Variants in CCNB1IP1 observed in about 807,000 individuals in gnomAD.
CCNB1IP1 encodes the protein cyclin B1 interacting protein 1.
In CCNB1IP1, 14 loss-of-function variants were observed where a neutral mutation model predicts 25.6. The observed-to-expected ratio is 0.55, with a 90% CI of 0.36 to 0.85. The LOEUF is 0.85. Ranked by LOEUF, CCNB1IP1 falls within the 40% of genes least tolerant of loss-of-function variation. The pLI, the probability that CCNB1IP1 is intolerant of heterozygous loss-of-function variation, is 0.01. For missense variants in CCNB1IP1, 278 were observed against 342.4 expected (o/e 0.81, Z 1.48); for synonymous variants, 119 against 116.1 (o/e 1.02, Z -0.16).
intron 3 of CCNB1IP1, among the ~76,000 whole-genome samples, chr14:20,326,199 G>T (rs1883069923): frequency 6.6e-6 from 1 of 152,128 alleles, no homozygotes; most frequent in African/African-American, 2.4e-5. Context: ...ATTGCCTATA[G>T]AATTATACCA....
chr14:20,311,819 AATC>A (rs1882495878), intron 6 of CCNB1IP1, 67 bp from the exon 7 acceptor site: 3 of 950,342 alleles, frequency 3.2e-6, no homozygotes, highest in Non-Finnish European at 4.9e-6. Flanking sequence ...ACTTCAGAGG[AATC>A]ATCAAATATA....
intron 5 of CCNB1IP1, among the ~76,000 whole-genome samples, chr14:20,314,051 T>C (rs1208286632): frequency 6.6e-6 from 1 of 152,096 alleles, no homozygotes. Flanking sequence ...CCAAAAGAAC[T>C]GAGTATTTGT....
intron 5 of CCNB1IP1, 123 bp from the exon 6 acceptor site, chr14:20,313,924 A>G: frequency 1.4e-6 from 1 of 691,632 alleles, no homozygotes; most frequent in Non-Finnish European, 2.2e-6. Flanking sequence ...ATCATTTAGA[A>G]CCCAGTTTAA....
In CCNB1IP1 at chr14:20,316,648, A is replaced by T. The variant is rs73583460; in HGVS notation, c.-37-88T>A. On this transcript the variant is annotated intron_variant, in intron 4 of 6. Coordinates refer to ENST00000358932, the MANE Select transcript of CCNB1IP1 (RefSeq NM_021178.5). ...GAAATATAACATGCACGTTTTTATCATAAAATACTGCACATTTTATTATAT... is the reference window on the plus strand; with the variant it reads ...GAAATATAACATGCACGTTTTTATCTTAAAATACTGCACATTTTATTATAT... 826 of 658,284 alleles carry T rather than the reference A, an allele frequency of 1.3e-3. 6 individuals are homozygous for T. In the African/African-American group the frequency reaches 0.014, roughly 11 times the overall value. The allele number at this position is 658,284 out of a possible 1,614,324, so 40.8% of individuals were successfully genotyped here.
chr14:20,325,238 G>A (rs1176162142), intron 4 of CCNB1IP1, among the ~76,000 whole-genome samples: 2 of 150,952 alleles, frequency 1.3e-5, no homozygotes, highest in African/African-American at 4.8e-5. Context: ...CGGCTAAAAC[G>A]GTGAAACCCC....
At chr14:20,322,667 G>A (rs932081630) in intron 4 of CCNB1IP1, among the ~76,000 whole-genome samples, 1 of 148,608 alleles carries the variant, frequency 6.7e-6, no homozygotes, top group African/African-American at 2.5e-5. Flanking sequence ...CTGTCACCCA[G>A]GCTGGAGTGC....
chr14:20,311,789 ATT>A (rs760021914), intron 6 of CCNB1IP1, 37 bp from the exon 7 acceptor site: 9 of 1,403,760 alleles, frequency 6.4e-6, no homozygotes, highest in Admixed American at 1.7e-5. Flanking sequence ...AATTTTATTC[ATT>A]TGTTATCTAT....
intron 5 of CCNB1IP1, chr14:20,314,183 C>T (rs143394626): frequency 6.1e-6 from 1 of 163,242 alleles, no homozygotes; most frequent in African/African-American, 2.4e-5. Flanking sequence ...GTACATACAC[C>T]CTTGTGTAAC....
In CCNB1IP1 at chr14:20,317,392, C is replaced by T. The variant is rs1882742050; in HGVS notation, c.-37-832G>A. Among the ~76,000 whole-genome samples, 3 of 151,760 alleles carry T rather than the reference C, an allele frequency of 2.0e-5. No homozygotes were observed. The South Asian group carries it at 6.2e-4, about 32-fold the overall frequency. On this transcript the variant is annotated intron_variant, in intron 4 of 6. Coordinates refer to ENST00000358932, the MANE Select transcript of CCNB1IP1 (RefSeq NM_021178.5). ...TTGCACTCCAGCCGGCGACGGACTC[C>T]GTCCCAGAAGGAAAAAAAAAAAAGT...
chr14:20,315,402 A>G, intron 5 of CCNB1IP1: 3 of 816,162 alleles, frequency 3.7e-6, no homozygotes, highest in Non-Finnish European at 4.6e-6. Context: ...ACATACTCTC[A>G]CCACATAAGC....
intron 4 of CCNB1IP1, among the ~76,000 whole-genome samples, chr14:20,322,952 G>T (rs555246551): frequency 6.6e-6 from 1 of 152,078 alleles, no homozygotes; most frequent in Admixed American, 6.6e-5. Flanking sequence ...CTGCCCTGAC[G>T]TGTGTGAGCA....
rs1883052799 is a variant in CCNB1IP1, at chr14:20,325,624, A to G, written c.-123T>C. On this transcript the variant is annotated 5_prime_UTR_variant, in exon 4 of 7. Coordinates refer to ENST00000358932, the MANE Select transcript of CCNB1IP1 (RefSeq NM_021178.5). ...TCCAGACTGGAACAGCGAAACTCAG[A>G]TCTGGTTTCAGTCTCTTGAAATTTT... 2.6e-5 allele frequency: 4 copies of G among 152,120 alleles called. No individual in the cohort carries two copies. The highest frequency in any genetic ancestry group is 7.2e-5 in the African/African-American group (3 of 41,406). 9.4% of individuals were successfully genotyped at this position (152,120 alleles called of 1,614,324 possible).
intron 4 of CCNB1IP1, chr14:20,323,105 T>A (rs1435807153): frequency 1.3e-5 from 2 of 152,222 alleles, no homozygotes; most frequent in African/African-American, 4.8e-5. Flanking sequence ...GCTCGTGTTT[T>A]GAAACTAGGC....
At chr14:20,320,381 T>C (rs1882851931) in intron 4 of CCNB1IP1, 1 of 454,158 alleles carries the variant, frequency 2.2e-6, no homozygotes, top group Admixed American at 2.4e-5. Context: ...GGTAGTCTAG[T>C]CTGTAACATT....
intron 1 of CCNB1IP1, among the ~76,000 whole-genome samples, chr14:20,332,240 G>T (rs1007324277): frequency 6.6e-6 from 1 of 151,348 alleles, no homozygotes; most frequent in African/African-American, 2.4e-5. Flanking sequence ...AAAAATTATG[G>T]GAGGCCTACA....
chr14:20,328,741 C>G (rs1883153803), intron 2 of CCNB1IP1, among the ~76,000 whole-genome samples: 1 of 152,160 alleles, frequency 6.6e-6, no homozygotes, highest in Non-Finnish European at 1.5e-5. Context: ...TAGCACAAAG[C>G]CTGGCACATA....
At position 20,324,572 on chromosome 14, in the gene CCNB1IP1, C is replaced by G. The variant is rs182220221; in HGVS notation, c.-38+967G>C. The stretch of plus-strand genomic sequence containing the variant: ...TCTAAGAGAAATATACGCATGGATT[C>G]TGATGACAAATAGTTAACATCAAAC... On this transcript the variant is annotated intron_variant, in intron 4 of 6. Coordinates refer to ENST00000358932, the MANE Select transcript of CCNB1IP1 (RefSeq NM_021178.5). 7.2e-5 allele frequency among the ~76,000 whole-genome samples: 11 copies of G among 152,280 alleles called. No homozygotes were observed. In the East Asian group the frequency reaches 2.1e-3, roughly 29 times the overall value.
intron 5 of CCNB1IP1, chr14:20,315,812 G>A: frequency 8.0e-7 from 1 of 1,248,274 alleles, no homozygotes; most frequent in Non-Finnish European, 1.0e-6. Flanking sequence ...AGGAGGCTGA[G>A]GCGGGAGAAT....
At chr14:20,328,920 G>A (rs1239213824) in intron 2 of CCNB1IP1, among the ~76,000 whole-genome samples, 1 of 152,190 alleles carries the variant, frequency 6.6e-6, no homozygotes, top group African/African-American at 2.4e-5. Flanking sequence ...GCATTTTGTT[G>A]ACTGTGGGCA....
Sources: gnomAD v4.1 joint callset for allele counts (sites outside exome capture counted in the v4.1 genomes callset) on GRCh38, gnomAD v4.1.1 for gene constraint, MANE v1.5 for transcripts, NCBI Gene and HGNC (gene_info 2026-07-23, HGNC 2026-07-21) for gene names.